The following TSHR variants were observed in gnomAD, a reference collection of about 807,000 sequenced individuals.
The protein encoded by TSHR is thyroid stimulating hormone receptor, also known as thyrotropin receptor.
Under a neutral mutation model 64.1 loss-of-function variants are expected in TSHR, and 51 were observed. The ratio of observed to expected loss-of-function variants is 0.80; its 90% CI spans 0.64 to 1.01. The LOEUF is 1.01. Ranked by LOEUF, TSHR falls within the 50% of genes least tolerant of loss-of-function variation. TSHR has a pLI of 0.00. For synonymous variants in TSHR, 361 were observed against 361.9 expected, an observed-to-expected ratio of 1.00 and a Z score of 0.03; for missense variants, 877 against 942.8, an observed-to-expected ratio of 0.93 and a Z score of 0.91.
intron 1 of TSHR, 77 bp downstream of exon 1, chr14:80,955,927 C>T: frequency 6.3e-7 from 1 of 1,580,608 alleles, no homozygotes; most frequent in Non-Finnish European, 8.7e-7. Flanking sequence ...TGCACAAAAG[C>T]AGCTCAATAA....
chr14:81,052,340 A>C (rs1470102120), intron 1 of TSHR: 7 of 152,216 alleles, frequency 4.6e-5, no homozygotes, highest in Admixed American at 2.0e-4. Flanking sequence ...ACCTTTGTTG[A>C]AAATCAATTG....
chr14:80,993,920 A>G (rs1352651598), intron 1 of TSHR: 1 of 152,058 alleles, frequency 6.6e-6, no homozygotes, highest in Non-Finnish European at 1.5e-5. Flanking sequence ...TGAACTTCAC[A>G]GGTCCACTTA....
chr14:81,024,513 C>T (rs1885382389), intron 1 of TSHR, among the ~76,000 whole-genome samples: 1 of 152,176 alleles, frequency 6.6e-6, no homozygotes, highest in African/African-American at 2.4e-5. Context: ...TCCCAAAGTG[C>T]TGGGATTACA....
chr14:81,031,636 G>C (rs17628249), intron 1 of TSHR, among the ~76,000 whole-genome samples: 37,043 of 151,848 alleles, frequency 0.24, 4,606 homozygotes, highest in South Asian at 0.33. Context: ...AGCAACCTGC[G>C]CCCAGGAGAG....
At chr14:81,125,505 T>C (rs993476367) in intron 8 of TSHR, among the ~76,000 whole-genome samples, 2 of 152,256 alleles carry the variant, frequency 1.3e-5, no homozygotes, top group African/African-American at 4.8e-5. Context: ...GATACCTCTG[T>C]CACAGCCACT....
At chr14:81,073,753 T>A (rs962673554) in intron 3 of TSHR, among the ~76,000 whole-genome samples, 1 of 152,150 alleles carries the variant, frequency 6.6e-6, no homozygotes, top group African/African-American at 2.4e-5. Context: ...CATTTATGTA[T>A]CCTTCATAAG....
At chr14:80,964,156 A>G (rs1220188860) in intron 1 of TSHR, among the ~76,000 whole-genome samples, 2 of 152,168 alleles carry the variant, frequency 1.3e-5, no homozygotes, top group Non-Finnish European at 2.9e-5. Context: ...TCACGAGGTC[A>G]GGAGATCGAG....
intron 8 of TSHR, among the ~76,000 whole-genome samples, chr14:81,138,765 A>C (rs915675357): frequency 2.0e-5 from 3 of 152,220 alleles, no homozygotes; most frequent in African/African-American, 7.2e-5. Context: ...AATTATATTA[A>C]ATATTTTAAA....
At chr14:81,122,041 TTTTTTTTTTTTTTTTTTTTTG>T (rs1391767472) in intron 8 of TSHR, among the ~76,000 whole-genome samples, 64 of 42,996 alleles carry the variant, frequency 1.5e-3, no homozygotes, top group South Asian at 4.7e-3. Flanking sequence ...TTTTTTTTTT[TTTTTTTTTTTTTTTTTTTTTG>T]AGACGAAGTC....
At chr14:81,029,758 A>C (rs150823339) in intron 1 of TSHR, among the ~76,000 whole-genome samples, 1 of 152,254 alleles carries the variant, frequency 6.6e-6, no homozygotes, top group Admixed American at 6.5e-5. Flanking sequence ...TGAAATAATA[A>C]CTTGGCCTTT....
intron 8 of TSHR, among the ~76,000 whole-genome samples, chr14:81,136,149 A>T (rs1469058446): frequency 6.6e-6 from 1 of 152,250 alleles, no homozygotes; most frequent in Non-Finnish European, 1.5e-5. Context: ...TATTCATGGT[A>T]CGTTGAGAAG....
chr14:81,105,177 T>C, intron 7 of TSHR: 4 of 985,420 alleles, frequency 4.1e-6, no homozygotes, highest in Non-Finnish European at 4.8e-6. Flanking sequence ...TGGTTACAAA[T>C]GTGGATTTCA....
chr14:80,996,660 G>A (rs889537427), intron 1 of TSHR, among the ~76,000 whole-genome samples: 4 of 152,108 alleles, frequency 2.6e-5, no homozygotes, highest in African/African-American at 9.7e-5. Context: ...GCACCACTAC[G>A]AATTTATTCT....
chr14:81,075,275 G>GC (rs1887414547), intron 3 of TSHR, among the ~76,000 whole-genome samples: 1 of 152,156 alleles, frequency 6.6e-6, no homozygotes, highest in African/African-American at 2.4e-5. Context: ...CTATCACACA[G>GC]CAGCACCAAA....
At chr14:80,978,435 T>C (rs1353404670) in intron 1 of TSHR, among the ~76,000 whole-genome samples, 1 of 152,224 alleles carries the variant, frequency 6.6e-6, no homozygotes, top group African/African-American at 2.4e-5. Flanking sequence ...AAGTGGTTCA[T>C]TGAAAGATAA....
intron 4 of TSHR, among the ~76,000 whole-genome samples, chr14:81,089,068 A>G (rs557897178): frequency 1.7e-4 from 26 of 150,954 alleles, no homozygotes; most frequent in Admixed American, 9.2e-4. Context: ...GCTCACTGCA[A>G]CCGCCACTTC....
intron 1 of TSHR, among the ~76,000 whole-genome samples, chr14:80,999,616 A>G (rs916682637): frequency 3.3e-5 from 5 of 152,330 alleles, no homozygotes; most frequent in African/African-American, 7.2e-5. Context: ...TAAAGCTAAA[A>G]GTGGATTTTT....
chr14:81,038,374 C>A (rs1479878848), intron 1 of TSHR, among the ~76,000 whole-genome samples: 3 of 146,770 alleles, frequency 2.0e-5, no homozygotes, highest in Admixed American at 6.8e-5. Flanking sequence ...ACACCTACAT[C>A]AAAAAAATAG....
chr14:80,997,853 G>A lies in TSHR; in HGVS notation c.170+42003G>A, dbSNP rs966201199. On this transcript the variant is annotated intron_variant, in intron 1 of 9. Transcript: ENST00000298171. ...ACTTCCCAATCCCCAGGTAGCTGTC[G>A]CCTGAAAAGGCATCGGAAGATACTT... 2.6e-5 allele frequency among the ~76,000 whole-genome samples: 4 copies of A among 152,152 alleles called. No homozygotes were observed. In the South Asian group the frequency reaches 6.2e-4, roughly 24 times the overall value.
Sources: gnomAD v4.1 joint callset for allele counts (sites outside exome capture counted in the v4.1 genomes callset) on GRCh38, gnomAD v4.1.1 for gene constraint, MANE v1.5 for transcripts, NCBI Gene and HGNC (gene_info 2026-07-23, HGNC 2026-07-21) for gene names.